The following ESR1 variants were observed in gnomAD, a reference collection of about 807,000 sequenced individuals.
ESR1 encodes estrogen receptor 1.
A neutral mutation model predicts 52.7 loss-of-function variants in ESR1; 12 were observed. The observed-to-expected ratio is 0.23, with a 90% CI of 0.15 to 0.37. The LOEUF (loss-of-function observed/expected upper bound fraction) is 0.37, where lower values mean the gene tolerates loss of function less well. ESR1 is among the 10% of genes least tolerant of loss of function. The pLI, the probability that ESR1 is intolerant of heterozygous loss-of-function variation, is 1.00. For missense variants in ESR1, 584 were observed against 779.7 expected (o/e 0.75, Z 2.99); for synonymous variants, 305 against 316.8 (o/e 0.96, Z 0.39).
intron 2 of ESR1, among the ~76,000 whole-genome samples, chr6:151,775,474 G>A (rs570810656): frequency 1.3e-5 from 2 of 152,106 alleles, no homozygotes; most frequent in Admixed American, 6.5e-5. Context: ...CTGGCCAGGC[G>A]CGGTGGCTGA....
chr6:151,870,472 G>A (rs74470687), intron 2 of ESR1, among the ~76,000 whole-genome samples: 13 of 152,200 alleles, frequency 8.5e-5, no homozygotes, highest in South Asian at 2.1e-4. Context: ...TTCAGTCATC[G>A]TCAAGTTCTT....
At chr6:152,121,589 G>A (rs2051390306) in intron 6 of ESR1, 1 of 152,236 alleles carries the variant, frequency 6.6e-6, no homozygotes, top group African/African-American at 2.4e-5. Flanking sequence ...TTCATTCATT[G>A]CACAGAAAAA....
At chr6:151,899,530 C>T (rs1488529775) in intron 3 of ESR1, among the ~76,000 whole-genome samples, 4 of 141,866 alleles carry the variant, frequency 2.8e-5, no homozygotes, top group African/African-American at 7.9e-5. Flanking sequence ...GGGGGGCTGA[C>T]CCCCCCACCT....
chr6:151,839,961 A>G (rs574833472), intron 1 of ESR1, among the ~76,000 whole-genome samples: 10 of 152,314 alleles, frequency 6.6e-5, no homozygotes, highest in African/African-American at 2.2e-4. Context: ...TGTGTTATAT[A>G]TATCTTACCA....
chr6:151,897,467 T>C (rs1255038758), intron 3 of ESR1, among the ~76,000 whole-genome samples: 2 of 152,236 alleles, frequency 1.3e-5, no homozygotes, highest in Non-Finnish European at 2.9e-5. Flanking sequence ...GCTGTTGTTT[T>C]AAAGTTTGTT....
intron 2 of ESR1, among the ~76,000 whole-genome samples, chr6:151,779,796 C>T (rs555675193): frequency 5.4e-5 from 8 of 149,236 alleles, no homozygotes; most frequent in African/African-American, 1.5e-4. Flanking sequence ...AATGTTTGAC[C>T]GAATAAAGAA....
chr6:151,690,480 T>G (rs1013634590), upstream of ESR1: 1 of 152,230 alleles, frequency 6.6e-6, no homozygotes, highest in Non-Finnish European at 1.5e-5. Context: ...TTTGAGTTAC[T>G]GCATTTCCTA....
intron 2 of ESR1, among the ~76,000 whole-genome samples, chr6:151,771,682 A>G (rs1785531457): frequency 6.6e-6 from 1 of 152,238 alleles, no homozygotes; most frequent in Non-Finnish European, 1.5e-5. Flanking sequence ...TTAAATATAT[A>G]TGTTTAGATA....
chr6:151,866,374 A>T (rs1027639363), intron 2 of ESR1, among the ~76,000 whole-genome samples: 4 of 152,098 alleles, frequency 2.6e-5, no homozygotes, highest in African/African-American at 7.2e-5. Flanking sequence ...TTGGGGATAC[A>T]TGTGCAGGTT....
chr6:151,973,650 G>A (rs1004598408), intron 4 of ESR1, among the ~76,000 whole-genome samples: 4 of 152,180 alleles, frequency 2.6e-5, no homozygotes, highest in African/African-American at 4.8e-5. Context: ...CAGGCACTGA[G>A]AAAGTCATTG....
At chr6:151,687,246 A>G (rs1034116568), upstream of ESR1, among the ~76,000 whole-genome samples, 1 of 152,198 alleles carries the variant, frequency 6.6e-6, no homozygotes, top group African/African-American at 2.4e-5. Context: ...GGGAGGTTGT[A>G]TGAACTTGAG....
At chr6:152,049,616 T>C (rs2046509583) in intron 5 of ESR1, among the ~76,000 whole-genome samples, 1 of 152,234 alleles carries the variant, frequency 6.6e-6, no homozygotes, top group Non-Finnish European at 1.5e-5. Flanking sequence ...GTGTCAGTTA[T>C]CTGTCCTCTG....
At chr6:151,907,062 G>A (rs1342611226) in intron 3 of ESR1, among the ~76,000 whole-genome samples, 1 of 151,838 alleles carries the variant, frequency 6.6e-6, no homozygotes, top group African/African-American at 2.4e-5. Context: ...TTGTCCTGTT[G>A]AAGAGAATCT....
intron 4 of ESR1, 42 bp downstream of exon 4, chr6:151,944,550 C>G (rs1245971194): frequency 6.4e-7 from 1 of 1,557,202 alleles, no homozygotes; most frequent in African/African-American, 1.4e-5. Flanking sequence ...AATAGCTTTT[C>G]AAGAACTTGT....
intron 4 of ESR1, among the ~76,000 whole-genome samples, chr6:151,988,787 A>G (rs1373482202): frequency 6.6e-6 from 1 of 152,148 alleles, no homozygotes; most frequent in African/African-American, 2.4e-5. Context: ...ATATTTGTAT[A>G]TGAGTATATA....
intron 2 of ESR1, 67 bp downstream of exon 2, chr6:151,842,854 T>C: frequency 1.4e-6 from 2 of 1,394,276 alleles, no homozygotes; most frequent in Admixed American, 1.7e-5. Context: ...CCAAAGCGAC[T>C]GAGGAAGGAA....
At chr6:151,924,012 A>C (rs998541963) in intron 3 of ESR1, among the ~76,000 whole-genome samples, 20 of 152,082 alleles carry the variant, frequency 1.3e-4, no homozygotes, top group Non-Finnish European at 1.5e-5. Flanking sequence ...ATTGTAATAG[A>C]TGTGTAGTAG....
At chr6:151,996,676 C>A (rs530639560) in intron 4 of ESR1, among the ~76,000 whole-genome samples, 2 of 151,920 alleles carry the variant, frequency 1.3e-5, no homozygotes, top group Admixed American at 6.6e-5. Flanking sequence ...GATAAGCATG[C>A]GTATAGAGGG....
intron 6 of ESR1, among the ~76,000 whole-genome samples, chr6:152,080,329 C>A (rs1349721043): frequency 6.6e-6 from 1 of 152,026 alleles, no homozygotes; most frequent in Non-Finnish European, 1.5e-5. Flanking sequence ...AGAGTGGGGG[C>A]CAATATTCAA....
Sources: gnomAD v4.1 joint callset for allele counts (sites outside exome capture counted in the v4.1 genomes callset) on GRCh38, gnomAD v4.1.1 for gene constraint, MANE v1.5 for transcripts, NCBI Gene and HGNC (gene_info 2026-07-23, HGNC 2026-07-21) for gene names.